DDHD1: variants seen among roughly 807,000 people sequenced by gnomAD.
DDHD1 encodes DDHD domain containing 1.
In DDHD1, 49 loss-of-function variants were observed where a neutral mutation model predicts 96.4. The observed-to-expected ratio is 0.51, with a 90% CI of 0.40 to 0.64. The LOEUF (loss-of-function observed/expected upper bound fraction) is 0.64. Ranked by LOEUF, DDHD1 falls within the 30% of genes least tolerant of loss-of-function variation. The pLI is 0.00. For missense variants in DDHD1, 1,106 were observed against 1,161.2 expected, an observed-to-expected ratio of 0.95 and a Z score of 0.69; for synonymous variants, 442 against 446.5, an observed-to-expected ratio of 0.99 and a Z score of 0.13.
intron 4 of DDHD1, among the ~76,000 whole-genome samples, chr14:53,090,228 G>A (rs371582278): frequency 7.9e-5 from 12 of 152,256 alleles, no homozygotes; most frequent in South Asian, 6.2e-4. Context: ...GAAACAACAG[G>A]TGCTGGAGAG....
At chr14:53,067,172 T>C (rs1009513714) in intron 6 of DDHD1, among the ~76,000 whole-genome samples, 1 of 150,656 alleles carries the variant, frequency 6.6e-6, no homozygotes, top group Non-Finnish European at 1.5e-5. Flanking sequence ...TTTTTTTTTT[T>C]AAATGAGATG....
chr14:53,079,480 C>T (rs1482170652), intron 4 of DDHD1, among the ~76,000 whole-genome samples: 3 of 152,120 alleles, frequency 2.0e-5, no homozygotes, highest in South Asian at 2.1e-4. Context: ...AAAGTGATTA[C>T]TAAAACAGTT....
intron 1 of DDHD1, among the ~76,000 whole-genome samples, chr14:53,116,690 A>G (rs1015839020): frequency 5.9e-5 from 9 of 152,250 alleles, no homozygotes; most frequent in African/African-American, 2.2e-4. Flanking sequence ...ACAAAGAGAC[A>G]ACGAGTGAGG....
chr14:53,103,041 G>A, intron 2 of DDHD1: 1 of 1,568,718 alleles, frequency 6.4e-7, no homozygotes, highest in South Asian at 1.2e-5. Context: ...CAGAATAGTT[G>A]ATCCCACTGC....
chr14:53,090,687 A>T (rs1886361312), intron 4 of DDHD1, among the ~76,000 whole-genome samples: 1 of 152,192 alleles, frequency 6.6e-6, no homozygotes, highest in Non-Finnish European at 1.5e-5. Context: ...GAACACTTGG[A>T]CACAGGGTAG....
rs1353764123 is a variant in DDHD1 at position 53,133,402 on chromosome 14, C to A, written c.838+18859G>T. Among the ~76,000 whole-genome samples the A allele has an allele frequency of 3.9e-5, 6 of 152,300 alleles. No homozygotes were observed. In the East Asian group the frequency reaches 1.2e-3, roughly 29 times the overall value. On this transcript the variant is annotated intron_variant, in intron 1 of 12. Transcript: ENST00000673822. ...ATACTTCCTCGGTTTGGCCTTTCCA[C>A]CTCTATACAATCTGATAACAGACCG...
intron 1 of DDHD1, among the ~76,000 whole-genome samples, chr14:53,144,207 A>G (rs1482873677): frequency 6.6e-6 from 1 of 152,270 alleles, no homozygotes; most frequent in Non-Finnish European, 1.5e-5. Context: ...TCTAAAATAT[A>G]AAGTCCTAAT....
At chr14:53,104,883 A>G (rs531676765) in intron 1 of DDHD1, among the ~76,000 whole-genome samples, 1 of 152,252 alleles carries the variant, frequency 6.6e-6, no homozygotes, top group Non-Finnish European at 1.5e-5. Context: ...TTTCAAGTGA[A>G]TTTAAAACTC....
At chr14:53,052,551 G>A (rs1439862816) in intron 11 of DDHD1, 1 of 152,054 alleles carries the variant, frequency 6.6e-6, no homozygotes, top group Non-Finnish European at 1.5e-5. Context: ...TGATTTGCAC[G>A]ATATAGCCAA....
At chr14:53,090,029 A>G (rs1886302133) in intron 4 of DDHD1, among the ~76,000 whole-genome samples, 1 of 152,248 alleles carries the variant, frequency 6.6e-6, no homozygotes, top group African/African-American at 2.4e-5. Flanking sequence ...ATTGACAAGA[A>G]AAAGTCAAAG....
chr14:53,145,124 T>C (rs1271753495), intron 1 of DDHD1, among the ~76,000 whole-genome samples: 1 of 152,150 alleles, frequency 6.6e-6, no homozygotes, highest in Non-Finnish European at 1.5e-5. Context: ...CACTCTAGCC[T>C]GGACAACGGA....
At chr14:53,136,948 T>C (rs1890281539) in intron 1 of DDHD1, among the ~76,000 whole-genome samples, 1 of 151,968 alleles carries the variant, frequency 6.6e-6, no homozygotes, top group Non-Finnish European at 1.5e-5. Context: ...AGGAGAAAAG[T>C]CCGTCAATAA....
At chr14:53,077,662 T>C (rs1885084377) in intron 4 of DDHD1, among the ~76,000 whole-genome samples, 1 of 81,418 alleles carries the variant, frequency 1.2e-5, no homozygotes, top group East Asian at 6.7e-4. Context: ...CATTAGTTTT[T>C]GTTTTTGTTT....
chr14:53,060,311 T>C (rs1397935804), intron 8 of DDHD1, among the ~76,000 whole-genome samples: 1 of 152,192 alleles, frequency 6.6e-6, no homozygotes, highest in Non-Finnish European at 1.5e-5. Context: ...TCTGCCACAT[T>C]TTCCTAAATC....
chr14:53,098,163 T>A (rs1406642202), intron 2 of DDHD1, among the ~76,000 whole-genome samples: 1 of 152,058 alleles, frequency 6.6e-6, no homozygotes, highest in East Asian at 1.9e-4. Context: ...TTTTTTAAAA[T>A]ACAGTTTTAG....
At chr14:53,096,093 G>A in intron 2 of DDHD1, 1 of 961,198 alleles carries the variant, frequency 1.0e-6, no homozygotes, top group Non-Finnish European at 1.2e-6. Context: ...ACTACATGGA[G>A]AAATAAAACT....
At position 53,153,031 on chromosome 14, in the gene DDHD1, G is replaced by C; in HGVS notation, c.68C>G (p.Ala23Gly). 1.3e-6 allele frequency: 2 copies of C among 1,497,990 alleles called. No homozygotes were observed. The highest frequency in any genetic ancestry group is 1.8e-6 in the Non-Finnish European group (2 of 1,129,418). The allele number at this position is 1,497,990 out of a possible 1,614,324, so 92.8% of individuals were successfully genotyped here. A position where few individuals can be genotyped will look rare whatever the true frequency, so the allele number is the denominator to read the frequency against. The change falls in exon 1 of 13, where the codon GCC (alanine) becomes GGC (glycine). Residue 23 changes from alanine (A) to glycine (G), a missense_variant. Physicochemically the swap from Ala to Gly is moderately conservative, Grantham distance 60. Coordinates refer to ENST00000673822, the MANE Select transcript of DDHD1 (RefSeq NM_001160148.2). ...CCTCGCGTCTGAGCCCAGCTCCCAG[G>C]CGCCGCCGCCGCCGCCTCGGCCGTT... ...EHNGRGGGGG[A>G]WELGSDARPA... is the part of the protein sequence containing the mutation.
At chr14:53,106,711 C>CT (rs573190906) in intron 1 of DDHD1, among the ~76,000 whole-genome samples, 106 of 152,180 alleles carry the variant, frequency 7.0e-4, no homozygotes, top group African/African-American at 2.4e-3. Context: ...ATAATATAAT[C>CT]TTTTTTCCCC....
rs143135051 is a variant in DDHD1 at position 53,124,253 on chromosome 14, A to G, written c.839-20397T>C. On this transcript the variant is annotated intron_variant, in intron 1 of 12. Transcript: ENST00000673822. ...TCTGTCTCAAAAAAAAAAAAATTAT[A>G]TATATATATATGGTTAAAAATCAAA... Among the ~76,000 whole-genome samples, 115 of 151,198 alleles carry G rather than the reference A, an allele frequency of 7.6e-4. 5 individuals carry two copies. The East Asian group carries it at 0.016, about 22-fold the overall frequency.
Sources: allele counts gnomAD v4.1 joint callset (sites outside exome capture counted in the v4.1 genomes callset), GRCh38; gene constraint gnomAD v4.1.1; transcripts MANE v1.5; gene names NCBI Gene and HGNC (gene_info 2026-07-23, HGNC 2026-07-21).